Variants in CFAP299 observed in about 807,000 individuals in gnomAD.
CFAP299 encodes the protein cilia- and flagella-associated protein 299.
A neutral mutation model predicts 27.0 loss-of-function variants in CFAP299; 21 were observed. The observed-to-expected ratio is 0.78, with a 90% CI of 0.55 to 1.12. CFAP299 has a LOEUF of 1.12. Ranked by LOEUF, CFAP299 falls within the 50% of genes most tolerant of loss-of-function variation. The pLI, the probability that CFAP299 is intolerant of heterozygous loss-of-function variation, is 0.00. For synonymous variants in CFAP299, 104 were observed against 98.1 expected (o/e 1.06, Z -0.36); for missense variants, 310 against 276.6 (o/e 1.12, Z -0.86).
rs1430836196 is a variant in CFAP299, at chr4:80,800,723, CAT to C, written c.334-69267_334-69266del. On this transcript the variant is annotated intron_variant, in intron 3 of 5. Coordinates refer to ENST00000358105, the MANE Select transcript of CFAP299 (RefSeq NM_152770.3). ...ATATATGAGTTTTTATGTATGAGTC[CAT>C]ATGTGTATATATATATAATCAGTGT... Among the ~76,000 whole-genome samples, 11 of 92,626 alleles carry C rather than the reference CAT, an allele frequency of 1.2e-4. No homozygotes were observed. In the East Asian group the frequency reaches 3.0e-3, roughly 25 times the overall value. 60.8% of individuals were successfully genotyped at this position (92,626 alleles called of 152,430 possible).
At chr4:80,935,562 C>A (rs577124505) in intron 4 of CFAP299, among the ~76,000 whole-genome samples, 3 of 151,880 alleles carry the variant, frequency 2.0e-5, no homozygotes, top group Admixed American at 1.3e-4. Flanking sequence ...ATACTAAAAT[C>A]GACTCTAATT....
intron 2 of CFAP299, among the ~76,000 whole-genome samples, chr4:80,460,785 C>T (rs1168942359): frequency 6.6e-6 from 1 of 152,062 alleles, no homozygotes; most frequent in East Asian, 1.9e-4. Context: ...GTGGATTTGT[C>T]CCAAAATCTA....
rs563425150 is a variant in CFAP299 at position 80,676,110 on chromosome 4, C to CT, written c.333+92929dup. ...CAGTTGGAAATGCAGAAATCACTGTCTTCTGCATCAATCACACTGGGAGCT... is the reference window on the plus strand; with the variant it reads ...CAGTTGGAAATGCAGAAATCACTGTCTTTCTGCATCAATCACACTGGGAGCT... On this transcript the variant is annotated intron_variant, in intron 3 of 5. Coordinates refer to ENST00000358105, the MANE Select transcript of CFAP299 (RefSeq NM_152770.3). 2.2e-3 allele frequency among the ~76,000 whole-genome samples: 342 copies of CT among 152,310 alleles called. 2 individuals carry two copies. Among genetic ancestry groups the CT allele is most frequent in the East Asian group, 3.3e-3 (17 of 5,174 alleles).
At chr4:80,807,078 T>C (rs1483107226) in intron 3 of CFAP299, among the ~76,000 whole-genome samples, 1 of 152,162 alleles carries the variant, frequency 6.6e-6, no homozygotes, top group Non-Finnish European at 1.5e-5. Context: ...TAAGCACTGC[T>C]TTTCTTGAAA....
At chr4:80,536,147 T>C (rs536201780) in intron 2 of CFAP299, among the ~76,000 whole-genome samples, 4 of 152,332 alleles carry the variant, frequency 2.6e-5, no homozygotes, top group Admixed American at 2.6e-4. Context: ...ATATGGTGGA[T>C]ATTTCACCTC....
intron 2 of CFAP299, among the ~76,000 whole-genome samples, chr4:80,573,505 G>A (rs1471239045): frequency 1.3e-5 from 2 of 152,064 alleles, no homozygotes; most frequent in Non-Finnish European, 2.9e-5. Context: ...GGTTGCCTGT[G>A]CTTTTGGGGT....
intron 3 of CFAP299, among the ~76,000 whole-genome samples, chr4:80,746,190 C>T (rs1317347001): frequency 6.6e-6 from 1 of 151,906 alleles, no homozygotes; most frequent in Non-Finnish European, 1.5e-5. Context: ...ACCACCTAGA[C>T]CCAGTTTATT....
At chr4:80,330,417 C>T in the CFAP299 span, among the ~76,000 whole-genome samples, 4 of 151,984 alleles carry the variant, frequency 2.6e-5, no homozygotes, top group Non-Finnish European at 5.9e-5. Flanking sequence ...TTTAACTTGC[C>T]CTTCCATTTT....
intron 5 of CFAP299, among the ~76,000 whole-genome samples, chr4:80,951,745 T>A (rs527462408): frequency 3.2e-4 from 48 of 152,324 alleles, no homozygotes; most frequent in African/African-American, 1.2e-3. Flanking sequence ...AGTACTATTG[T>A]CTTAGCTGTT....
rs7668031 is a variant in CFAP299 at position 80,397,793 on chromosome 4, T to C, written c.242+34909T>C. On this transcript the variant is annotated intron_variant, in intron 2 of 5. Coordinates refer to ENST00000358105, the MANE Select transcript of CFAP299 (RefSeq NM_152770.3). Reference sequence around the variant, plus strand: ...AACTGGCACAAGACAGGGATGCCCTTTCTCACCACTCGTATTCAACATAGT... The same window carrying C: ...AACTGGCACAAGACAGGGATGCCCTCTCTCACCACTCGTATTCAACATAGT... Among the ~76,000 whole-genome samples the C allele has an allele frequency of 7.7e-3, 1,174 of 152,250 alleles. 9 individuals carry two copies. Among genetic ancestry groups the C allele is most frequent in the African/African-American group, 0.026 (1,064 of 41,546 alleles).
In CFAP299 at chr4:80,741,712, G is replaced by A. The variant is rs369504670; in HGVS notation, c.334-128281G>A. Among the ~76,000 whole-genome samples, 169 of 152,252 alleles carry A rather than the reference G, an allele frequency of 1.1e-3. 2 individuals are homozygous for A. Among genetic ancestry groups the A allele is most frequent in the African/African-American group, 3.8e-3 (157 of 41,552 alleles). On this transcript the variant is annotated intron_variant, in intron 3 of 5. Coordinates refer to ENST00000358105, the MANE Select transcript of CFAP299 (RefSeq NM_152770.3). ...GCCAGCTAATGTCTCCCTGGGTCACGTGCTACCCTAGTCCACTTGTTCTAA... is the reference window on the plus strand; with the variant it reads ...GCCAGCTAATGTCTCCCTGGGTCACATGCTACCCTAGTCCACTTGTTCTAA...
intron 4 of CFAP299, among the ~76,000 whole-genome samples, chr4:80,898,250 T>C (rs938143125): frequency 2.6e-5 from 4 of 152,036 alleles, no homozygotes; most frequent in African/African-American, 9.7e-5. Flanking sequence ...CCAATGAAAG[T>C]TGGTTTCAGC....
chr4:80,936,117 A>G (rs1180550252), intron 4 of CFAP299, among the ~76,000 whole-genome samples: 1 of 152,142 alleles, frequency 6.6e-6, no homozygotes, highest in Non-Finnish European at 1.5e-5. Flanking sequence ...CAAAAACATA[A>G]TTACTTTTGC....
intron 3 of CFAP299, among the ~76,000 whole-genome samples, chr4:80,670,952 T>G (rs1488447988): frequency 1.3e-5 from 2 of 152,268 alleles, no homozygotes; most frequent in Non-Finnish European, 2.9e-5. Context: ...CTGTTCACTC[T>G]GATGGTAGTT....
intron 2 of CFAP299, among the ~76,000 whole-genome samples, chr4:80,381,076 T>C (rs1300016736): frequency 1.3e-5 from 2 of 152,330 alleles, no homozygotes; most frequent in African/African-American, 4.8e-5. Flanking sequence ...ATGTCTTCTA[T>C]TAACTTTGGT....
intron 2 of CFAP299, among the ~76,000 whole-genome samples, chr4:80,436,368 A>G (rs1274171344): frequency 3.4e-5 from 5 of 145,254 alleles, no homozygotes; most frequent in African/African-American, 1.3e-4. Flanking sequence ...GCGCGATCTC[A>G]GCTCACTGTA....
intron 3 of CFAP299, among the ~76,000 whole-genome samples, chr4:80,808,763 G>T (rs1252512715): frequency 2.0e-5 from 3 of 151,930 alleles, no homozygotes; most frequent in Non-Finnish European, 4.4e-5. Flanking sequence ...TTCTTTTGAG[G>T]GTCTCGATTC....
chr4:80,858,642 A>G (rs1214809440), intron 3 of CFAP299, among the ~76,000 whole-genome samples: 2 of 151,946 alleles, frequency 1.3e-5, no homozygotes, highest in South Asian at 2.1e-4. Context: ...GAACATCTTT[A>G]TTTCTGCCTT....
chr4:80,329,788 C>T, the CFAP299 span, among the ~76,000 whole-genome samples: 16 of 152,120 alleles, frequency 1.1e-4, no homozygotes, highest in African/African-American at 3.1e-4. Flanking sequence ...ATATTGTACT[C>T]AGAAGCTAGA....
Sources: allele counts gnomAD v4.1 joint callset (sites outside exome capture counted in the v4.1 genomes callset), GRCh38; gene constraint gnomAD v4.1.1; transcripts MANE v1.5; gene names NCBI Gene and HGNC (gene_info 2026-07-23, HGNC 2026-07-21).